NLE1: variants seen among roughly 807,000 people sequenced by gnomAD.
The protein encoded by NLE1 is notchless homolog 1.
A neutral mutation model predicts 62.8 loss-of-function variants in NLE1; 37 were observed. That is an observed-to-expected ratio of 0.59 (90% CI 0.45 to 0.78). The LOEUF is 0.78. Among genes scored for constraint, NLE1 ranks in the 30% least tolerant of loss-of-function variants. The pLI is 0.00. For synonymous variants in NLE1, 243 were observed against 253.0 expected (o/e 0.96, Z 0.37); for missense variants, 555 against 637.9 (o/e 0.87, Z 1.40).
rs1295215281 is a variant in NLE1, at chr17:35,139,966, A to G, written c.263T>C (p.Leu88Pro). The G allele has an allele frequency of 6.2e-7, 1 of 1,614,078 alleles. No homozygotes were observed. Among genetic ancestry groups the G allele is most frequent in the African/African-American group, 1.3e-5 (1 of 74,936 alleles). ...ESQAVETEKV[L>P]DIIYQPQAIF... is the part of the protein sequence containing the mutation. ...AGCCTGTGGCTGGTAGATGATGTCT[A>G]GGACCTTCTCTGTCTCCACTGCCTG... Residue 88 changes from leucine to proline, a missense_variant, in exon 3 of 13, where the codon CTA (leucine) becomes CCA (proline). By Grantham distance (98) the Leu-to-Pro change is moderately conservative (BLOSUM62 -3). Coordinates refer to ENST00000442241, the MANE Select transcript of NLE1 (RefSeq NM_018096.5).
Position 35,129,124 on chromosome 17 carries a change from T to C in NLE1, c.*3313A>G, listed in dbSNP as rs888278696. ...TCCTCCTGCTGTGCTATCCAGTTCC[T>C]AACAGGCCATGGACTGCTATCAGTT... On this transcript the variant is annotated 3_prime_UTR_variant, in exon 13 of 13. Transcript: ENST00000442241. 6.2e-6 allele frequency: 2 copies of C among 322,838 alleles called. No individual in the cohort carries two copies. The highest frequency in any genetic ancestry group is 4.1e-5 in the Admixed American group (1 of 24,352). 20.0% of individuals were successfully genotyped at this position (322,838 alleles called of 1,614,324 possible). A position where few individuals can be genotyped will look rare whatever the true frequency, so the allele number is the denominator to read the frequency against.
At chr17:35,141,031 C>T (rs563756947) in intron 2 of NLE1, among the ~76,000 whole-genome samples, 23 of 152,332 alleles carry the variant, frequency 1.5e-4, no homozygotes, top group Admixed American at 1.4e-3. Context: ...AGGTTCTTTA[C>T]GTCCAAGATA....
At chr17:35,141,591 A>G (rs1455827872) in intron 2 of NLE1, among the ~76,000 whole-genome samples, 3 of 152,008 alleles carry the variant, frequency 2.0e-5, no homozygotes. Flanking sequence ...TAAATAAATA[A>G]AAGCATGGGT....
Position 35,137,548 on chromosome 17 carries a change from G to C in NLE1, c.630C>G (p.Leu210=), listed in dbSNP as rs764758756. The stretch of plus-strand genomic sequence containing the variant: ...GCTCCGTCAGTGTCACTTACGCATG[G>C]AGGGGCTCCCAGCTCAGGCCTGTGA... The part of the protein sequence containing the change: ...KWITGLSWEP[L]HANPECRYVA... Residue 210 remains leucine (L), a synonymous_variant, in exon 6 of 13, where the codon CTC becomes CTG. Coordinates refer to ENST00000442241, the MANE Select transcript of NLE1 (RefSeq NM_018096.5). The C allele has an allele frequency of 6.2e-7, 1 of 1,607,978 alleles. No homozygotes were observed. The highest frequency in any genetic ancestry group is 1.3e-5 in the African/African-American group (1 of 75,028).
chr17:35,133,381 C>G lies in NLE1; in HGVS notation c.1332G>C (p.Lys444Asn), dbSNP rs1320794815. The G allele has an allele frequency of 6.2e-7, 1 of 1,614,200 alleles. No individual in the cohort carries two copies. The highest frequency in any genetic ancestry group is 1.7e-5 in the Admixed American group (1 of 60,022). Residue 444 changes from lysine to asparagine, a missense_variant, in exon 11 of 13, where the codon AAG becomes AAC. Transcript: ENST00000442241. ...GCAGGTCCATGGCCAGCTTCTGGGCCTTCACATCCCACACCTTCAGTGTGC... is the reference window on the plus strand; with the variant it reads ...GCAGGTCCATGGCCAGCTTCTGGGCGTTCACATCCCACACCTTCAGTGTGC... The part of the protein sequence containing the change: ...SDSTLKVWDV[K>N]AQKLAMDLPG...
intron 10 of NLE1, among the ~76,000 whole-genome samples, chr17:35,134,542 G>A (rs1246126735): frequency 2.6e-5 from 4 of 152,034 alleles, no homozygotes. Flanking sequence ...TGGGATTATA[G>A]GCACGTGCCA....
Position 35,129,536 on chromosome 17 carries a change from A to C in NLE1, c.*2901T>G. On this transcript the variant is annotated 3_prime_UTR_variant, in exon 13 of 13. Coordinates refer to ENST00000442241, the MANE Select transcript of NLE1 (RefSeq NM_018096.5). ...GCCCGAGGCAAAGAATCGTCCATGG[A>C]TCTTCAACAAGATTTTGGGCACTAC... The C allele has an allele frequency of 6.2e-7, 1 of 1,614,226 alleles. No homozygotes were observed. The highest frequency in any genetic ancestry group is 8.5e-7 in the Non-Finnish European group (1 of 1,180,048).
chr17:35,134,045 G>A (rs1041729073), intron 10 of NLE1, among the ~76,000 whole-genome samples: 6 of 152,152 alleles, frequency 3.9e-5, no homozygotes, highest in African/African-American at 1.4e-4. Context: ...AGGTTTCCCT[G>A]GCTCTTTTTC....
intron 1 of NLE1, 24 bp from the exon 2 acceptor site, chr17:35,142,146 G>A (rs1408520353): frequency 6.2e-7 from 1 of 1,608,448 alleles, no homozygotes; most frequent in Non-Finnish European, 8.5e-7. Flanking sequence ...TGGGGCGGGA[G>A]TCAGTCTGGT....
At position 35,131,210 on chromosome 17, in the gene NLE1, A is replaced by C. The variant is rs2091874281; in HGVS notation, c.*1227T>G. The C allele has an allele frequency of 6.6e-6, 1 of 152,274 alleles. No individual in the cohort carries two copies. The highest frequency in any genetic ancestry group is 1.5e-5 in the Non-Finnish European group (1 of 68,072). 9.4% of individuals were successfully genotyped at this position (152,274 alleles called of 1,614,324 possible). A position where few individuals can be genotyped will look rare whatever the true frequency, so the allele number is the denominator to read the frequency against. ...ACAAACAGCTGGCACCAAGGAGCTC[A>C]GTGGCTGATAGTTTTGTTCGCTTCT... On this transcript the variant is annotated 3_prime_UTR_variant, in exon 13 of 13. Transcript: ENST00000442241.
At chr17:35,134,025 A>G (rs1297643639) in intron 10 of NLE1, among the ~76,000 whole-genome samples, 2 of 152,160 alleles carry the variant, frequency 1.3e-5, no homozygotes, top group African/African-American at 2.4e-5. Flanking sequence ...TCCCCCCTTC[A>G]GCCCTAACAA....
At chr17:35,135,127 A>G (rs942664776) in intron 10 of NLE1, 122 bp downstream of exon 10, 89 of 892,512 alleles carry the variant, frequency 1.0e-4, no homozygotes, top group Non-Finnish European at 1.5e-4. Flanking sequence ...CATATTACCA[A>G]AGAGGAAACA....
Position 35,129,810 on chromosome 17 carries a change from C to T in NLE1, c.*2627G>A, listed in dbSNP as rs2142495549. On this transcript the variant is annotated 3_prime_UTR_variant, in exon 13 of 13. Coordinates refer to ENST00000442241, the MANE Select transcript of NLE1 (RefSeq NM_018096.5). ...GTCAAGAAGCATCAATTCCAGAATG[C>T]ATGCTTCTGGGAGGTTTAAGGATTA... The T allele has an allele frequency of 1.4e-6, 2 of 1,440,992 alleles. 1 individual carries two copies. The highest frequency in any genetic ancestry group is 3.0e-5 in the South Asian group (2 of 67,522). 89.3% of individuals were successfully genotyped at this position (1,440,992 alleles called of 1,614,324 possible). A position where few individuals can be genotyped will look rare whatever the true frequency, so the allele number is the denominator to read the frequency against.
At chr17:35,138,348 T>A (rs1340789323) in intron 4 of NLE1, among the ~76,000 whole-genome samples, 1 of 152,198 alleles carries the variant, frequency 6.6e-6, no homozygotes, top group Non-Finnish European at 1.5e-5. Flanking sequence ...TGGGAACTTG[T>A]TAGAAATGCA....
chr17:35,142,254 C>T lies in NLE1; in HGVS notation c.18+4G>A. 6.5e-7 allele frequency: 1 copy of T among 1,548,206 alleles called. No individual in the cohort carries two copies. The highest frequency in any genetic ancestry group is 1.9e-5 in the Admixed American group (1 of 51,340). ...GCCCCCCGCCCCCATCCACGCACAC[C>T]CACCGGCACTGCTGCCGCCATCCTG... On this transcript the variant is annotated splice_donor_region_variant and intron_variant, in intron 1 of 12. Coordinates refer to ENST00000442241, the MANE Select transcript of NLE1 (RefSeq NM_018096.5).
At chr17:35,136,132 A>G in intron 9 of NLE1, 37 bp downstream of exon 9, 2 of 1,611,558 alleles carry the variant, frequency 1.2e-6, no homozygotes. Flanking sequence ...AAGGACTGGT[A>G]CAGAGCTAGG....
chr17:35,129,300 C>T lies in NLE1; in HGVS notation c.*3137G>A. 1 of 1,314,382 alleles carries T rather than the reference C, an allele frequency of 7.6e-7. No individual in the cohort carries two copies. The highest frequency in any genetic ancestry group is 1.1e-6 in the Non-Finnish European group (1 of 949,740). 81.4% of individuals were successfully genotyped at this position (1,314,382 alleles called of 1,614,324 possible). A position where few individuals can be genotyped will look rare whatever the true frequency, so the allele number is the denominator to read the frequency against. Reference sequence around the variant, plus strand: ...CAGTACCTTGCACCTTCCATCTGACCTGCCTGGGCCCCAGCAGGAGCAGGG... The same window carrying T: ...CAGTACCTTGCACCTTCCATCTGACTTGCCTGGGCCCCAGCAGGAGCAGGG... On this transcript the variant is annotated 3_prime_UTR_variant, in exon 13 of 13. Coordinates refer to ENST00000442241, the MANE Select transcript of NLE1 (RefSeq NM_018096.5).
chr17:35,139,673 C>A (rs932204702), intron 3 of NLE1, 176 bp downstream of exon 3: 2 of 866,518 alleles, frequency 2.3e-6, no homozygotes, highest in Non-Finnish European at 3.4e-6. Flanking sequence ...CCTTAAGCAG[C>A]CTTTGGGGAC....
chr17:35,136,914 A>G (rs188607639), intron 7 of NLE1, 87 bp downstream of exon 7: 489 of 1,236,730 alleles, frequency 4.0e-4, no homozygotes, highest in Non-Finnish European at 5.2e-4. Context: ...GAAACACTGG[A>G]CTCGCTGATG....
Sources: allele counts gnomAD v4.1 joint callset (sites outside exome capture counted in the v4.1 genomes callset), GRCh38; gene constraint gnomAD v4.1.1; transcripts MANE v1.5; gene names NCBI Gene and HGNC (gene_info 2026-07-23, HGNC 2026-07-21).